The following MAD1L1 variants were observed in gnomAD, a reference collection of about 807,000 sequenced individuals.
MAD1L1 encodes the protein mitotic spindle assembly checkpoint protein MAD1.
In MAD1L1, 95 loss-of-function variants were observed where a neutral mutation model predicts 96.9. The ratio of observed to expected loss-of-function variants is 0.98; its 90% CI spans 0.83 to 1.16. MAD1L1 has a LOEUF of 1.16. Among genes scored for constraint, MAD1L1 ranks in the 50% most tolerant of loss-of-function variants. The pLI, the probability that MAD1L1 is intolerant of heterozygous loss-of-function variation, is 0.00. For synonymous variants in MAD1L1, 473 were observed against 396.6 expected (o/e 1.19, Z -2.29); for missense variants, 1,007 against 954.4 (o/e 1.06, Z -0.73).
At chr7:2,157,441 G>C (rs1789901402) in intron 10 of MAD1L1, among the ~76,000 whole-genome samples, 1 of 152,206 alleles carries the variant, frequency 6.6e-6, no homozygotes, top group Non-Finnish European at 1.5e-5. Context: ...GAAGAGAAAA[G>C]CAGCACAGCA....
At chr7:2,116,454 G>A (rs1179271152) in intron 11 of MAD1L1, among the ~76,000 whole-genome samples, 1 of 151,938 alleles carries the variant, frequency 6.6e-6, no homozygotes, top group Non-Finnish European at 1.5e-5. Flanking sequence ...AGCCCCCAGA[G>A]AGCCAGCGCA....
chr7:1,964,960 C>A (rs1194610667), intron 15 of MAD1L1, among the ~76,000 whole-genome samples: 1 of 152,240 alleles, frequency 6.6e-6, no homozygotes, highest in African/African-American at 2.4e-5. Flanking sequence ...GCCCCTCACC[C>A]AGGCCAGCCT....
chr7:2,172,644 C>T (rs1790761196), intron 10 of MAD1L1, among the ~76,000 whole-genome samples: 1 of 152,240 alleles, frequency 6.6e-6, no homozygotes, highest in South Asian at 2.1e-4. Flanking sequence ...CCAGCAAAGC[C>T]GTCAGTAGTC....
intron 12 of MAD1L1, among the ~76,000 whole-genome samples, chr7:2,068,675 T>G (rs953304098): frequency 1.3e-5 from 2 of 152,164 alleles, no homozygotes; most frequent in East Asian, 3.9e-4. Context: ...ACAAAAACCG[T>G]CTTTCATGCT....
chr7:2,144,693 G>A (rs1026482576), intron 11 of MAD1L1, among the ~76,000 whole-genome samples: 2 of 152,120 alleles, frequency 1.3e-5, no homozygotes, highest in African/African-American at 4.8e-5. Context: ...GAAAGGGAAG[G>A]GAGGCTACAG....
chr7:2,215,453 C>T (rs1015078166), intron 9 of MAD1L1, among the ~76,000 whole-genome samples: 4 of 152,078 alleles, frequency 2.6e-5, no homozygotes, highest in African/African-American at 7.2e-5. Flanking sequence ...CGGGTCTCCC[C>T]GAGCTGGAAT....
intron 18 of MAD1L1, among the ~76,000 whole-genome samples, chr7:1,862,405 T>C (rs1784576202): frequency 6.6e-6 from 1 of 152,230 alleles, no homozygotes; most frequent in African/African-American, 2.4e-5. Context: ...GTCCCTGTCC[T>C]GTGCATGAAG....
rs1166927487 is a variant in MAD1L1 at position 1,827,000 on chromosome 7, G to A, written c.1999-10772C>T. On this transcript the variant is annotated intron_variant, in intron 18 of 18. Coordinates refer to ENST00000265854, the MANE Select transcript of MAD1L1 (RefSeq NM_001013836.2). ...TATTCTATTTATACAGCTCCCCCTC[G>A]CACACGGGCGTTCTGCTTTACAGCC... is the stretch of plus-strand genomic sequence containing the variant. Among the ~76,000 whole-genome samples the A allele has an allele frequency of 7.2e-5, 11 of 152,264 alleles. No individual in the cohort carries two copies. The East Asian group carries it at 1.9e-3, about 27-fold the overall frequency.
intron 18 of MAD1L1, among the ~76,000 whole-genome samples, chr7:1,878,644 G>C (rs761256667): frequency 7.9e-5 from 12 of 151,250 alleles, no homozygotes; most frequent in Non-Finnish European, 1.3e-4. Flanking sequence ...CTGATAAATG[G>C]TATCTATGAA....
chr7:2,143,927 T>A (rs1361032961), intron 11 of MAD1L1, among the ~76,000 whole-genome samples: 1 of 152,158 alleles, frequency 6.6e-6, no homozygotes, highest in Non-Finnish European at 1.5e-5. Flanking sequence ...CTCAGCCGGC[T>A]CTACCTTAAG....
At chr7:2,164,863 G>A (rs1478712020) in intron 10 of MAD1L1, among the ~76,000 whole-genome samples, 1 of 152,122 alleles carries the variant, frequency 6.6e-6, no homozygotes, top group Non-Finnish European at 1.5e-5. Context: ...GACAAGAGTG[G>A]GCAGGTGACA....
At chr7:1,887,420 T>TGC (rs1267731528) in intron 18 of MAD1L1, among the ~76,000 whole-genome samples, 4 of 150,508 alleles carry the variant, frequency 2.7e-5, no homozygotes, top group South Asian at 4.2e-4. Context: ...CATGTGTGTG[T>TGC]GTGCATGCGT....
chr7:2,185,551 C>T (rs1562351666), intron 10 of MAD1L1, among the ~76,000 whole-genome samples: 1 of 152,124 alleles, frequency 6.6e-6, no homozygotes, highest in Non-Finnish European at 1.5e-5. Context: ...TAAAAGACCA[C>T]ATTGAATGCC....
chr7:2,018,558 T>C (rs749665965), intron 12 of MAD1L1, among the ~76,000 whole-genome samples: 2 of 152,176 alleles, frequency 1.3e-5, no homozygotes, highest in African/African-American at 4.8e-5. Context: ...GTCCACACCA[T>C]GGACACAGAG....
intron 11 of MAD1L1, among the ~76,000 whole-genome samples, chr7:2,135,560 C>T (rs1007233100): frequency 2.3e-4 from 35 of 152,106 alleles, no homozygotes; most frequent in African/African-American, 7.7e-4. Context: ...TCTTTGTTTT[C>T]GGTAATTGTT....
intron 17 of MAD1L1, among the ~76,000 whole-genome samples, chr7:1,925,673 T>A (rs1357925770): frequency 4.6e-5 from 7 of 152,252 alleles, no homozygotes; most frequent in African/African-American, 1.4e-4. Flanking sequence ...ACGTGGACTT[T>A]GGAGGCCACG....
chr7:2,133,981 G>A (rs945153089), intron 11 of MAD1L1, among the ~76,000 whole-genome samples: 1 of 152,168 alleles, frequency 6.6e-6, no homozygotes, highest in Non-Finnish European at 1.5e-5. Flanking sequence ...CAGTTTTCCG[G>A]TGTTGTTCAC....
chr7:1,980,531 T>TC lies in MAD1L1; in HGVS notation c.1426dup (p.Glu476GlyfsTer59). Reference sequence around the variant, plus strand: ...GGACTGAGACTTCAGCATCTTCAGCTCCATCTCCAGCTAGGAGAAAGCAAA... The same window carrying TC: ...GGACTGAGACTTCAGCATCTTCAGCTCCCATCTCCAGCTAGGAGAAAGCAAA... On this transcript the variant is annotated frameshift_variant, in exon 15 of 19. Coordinates refer to ENST00000265854, the MANE Select transcript of MAD1L1 (RefSeq NM_001013836.2). LOFTEE classifies it high-confidence loss of function. The TC allele has an allele frequency of 1.2e-6, 2 of 1,609,210 alleles. No homozygotes were observed. The highest frequency in any genetic ancestry group is 1.7e-6 in the Non-Finnish European group (2 of 1,179,044).
intron 18 of MAD1L1, among the ~76,000 whole-genome samples, chr7:1,869,332 G>A (rs536553349): frequency 1.3e-5 from 2 of 152,090 alleles, no homozygotes; most frequent in East Asian, 1.9e-4. Flanking sequence ...CATCTACCTC[G>A]GCGCAGGCTC....
Sources: gnomAD v4.1 joint callset for allele counts (sites outside exome capture counted in the v4.1 genomes callset) on GRCh38, gnomAD v4.1.1 for gene constraint, MANE v1.5 for transcripts, NCBI Gene and HGNC (gene_info 2026-07-23, HGNC 2026-07-21) for gene names.